Variants in TDRD3 observed in about 807,000 individuals in gnomAD.
The protein encoded by TDRD3 is tudor domain containing 3.
A neutral mutation model predicts 86.7 loss-of-function variants in TDRD3; 45 were observed. The observed-to-expected ratio is 0.52, with a 90% confidence interval of 0.41 to 0.67. The LOEUF is 0.67. Ranked by LOEUF, TDRD3 falls within the 30% of genes least tolerant of loss-of-function variation. The probability of loss-of-function intolerance (pLI) is 0.00; values close to 1 mark genes in which losing one functional copy is unlikely to be tolerated. For missense variants in TDRD3, 814 were observed against 889.0 expected (o/e 0.92, Z 1.07); for synonymous variants, 298 against 301.7 (o/e 0.99, Z 0.13).
chr13:60,543,909 A>T (rs1205855273), intron 12 of TDRD3, among the ~76,000 whole-genome samples: 5 of 151,052 alleles, frequency 3.3e-5, no homozygotes, highest in African/African-American at 1.2e-4. Context: ...TTATGTATTA[A>T]CTTTCAGAAA....
At chr13:60,475,968 A>G (rs1317006740) in intron 5 of TDRD3, among the ~76,000 whole-genome samples, 1 of 152,140 alleles carries the variant, frequency 6.6e-6, no homozygotes, top group African/African-American at 2.4e-5. Context: ...GTTGACAAAT[A>G]TGTTTTCCCA....
intron 12 of TDRD3, among the ~76,000 whole-genome samples, chr13:60,559,817 C>T (rs980697805): frequency 6.6e-6 from 1 of 152,036 alleles, no homozygotes; most frequent in African/African-American, 2.4e-5. Context: ...ATTTAATGTA[C>T]AAAACAGTCA....
chr13:60,528,797 A>T lies in TDRD3; in HGVS notation c.1572A>T (p.Gly524=), dbSNP rs1957513157. ...AEAKENPLPQ[G]SVDYNNQKRG... ...CAAAAGAAAATCCACTTCCTCAAGG[A>T]TCTGTAGATTATAATAATCAAAAAC... The change falls in exon 11 of 14, where the codon GGA becomes GGT. Residue 524 remains glycine, a synonymous_variant. Coordinates refer to ENST00000377881, the MANE Select transcript of TDRD3 (RefSeq NM_001146070.2). 1 of 1,613,838 alleles carries T rather than the reference A, an allele frequency of 6.2e-7. No homozygotes were observed. Among genetic ancestry groups the T allele is most frequent in the African/African-American group, 1.3e-5 (1 of 74,942 alleles).
At position 60,560,546 on chromosome 13, in the gene TDRD3, G is replaced by T. The variant is rs139779281; in HGVS notation, c.2119-6979G>T. Among the ~76,000 whole-genome samples the T allele has an allele frequency of 2.1e-3, 319 of 152,048 alleles. 3 individuals are homozygous for T. Among genetic ancestry groups the T allele is most frequent in the African/African-American group, 7.1e-3 (295 of 41,550 alleles). On this transcript the variant is annotated intron_variant, in intron 12 of 13. Coordinates refer to ENST00000377881, the MANE Select transcript of TDRD3 (RefSeq NM_001146070.2). ...AATAGCTTATTTACATTATATTAAT[G>T]TGTAGATCTTAGTGATGTTAGAGGA...
chr13:60,544,402 C>T (rs1418591476), intron 12 of TDRD3, among the ~76,000 whole-genome samples: 2 of 145,782 alleles, frequency 1.4e-5, no homozygotes, highest in Non-Finnish European at 3.0e-5. Context: ...TATGACTGTA[C>T]TACACTCCAG....
intron 12 of TDRD3, among the ~76,000 whole-genome samples, chr13:60,543,179 A>G (rs1839680299): frequency 6.6e-6 from 1 of 152,234 alleles, no homozygotes; most frequent in African/African-American, 2.4e-5. Context: ...AAACTCATAT[A>G]GTTTAATAAG....
intron 1 of TDRD3, among the ~76,000 whole-genome samples, chr13:60,434,845 T>TG (rs1955051521): frequency 6.6e-6 from 1 of 152,078 alleles, no homozygotes; most frequent in Non-Finnish European, 1.5e-5. Context: ...GTCCACCAGG[T>TG]GGGTGTGCAC....
intron 10 of TDRD3, among the ~76,000 whole-genome samples, chr13:60,514,451 G>A (rs1957125839): frequency 6.6e-6 from 1 of 152,138 alleles, no homozygotes; most frequent in Non-Finnish European, 1.5e-5. Flanking sequence ...ACTTTGTTGG[G>A]GGCCTATCAC....
At chr13:60,451,595 A>T (rs946988392) in intron 3 of TDRD3, among the ~76,000 whole-genome samples, 4 of 152,184 alleles carry the variant, frequency 2.6e-5, no homozygotes, top group Non-Finnish European at 5.9e-5. Context: ...ACACCTCTGC[A>T]CACATATAAC....
chr13:60,405,480 G>T (rs974700189), intron 1 of TDRD3, among the ~76,000 whole-genome samples: 14 of 152,162 alleles, frequency 9.2e-5, no homozygotes, highest in African/African-American at 2.9e-4. Context: ...AATTACTAAA[G>T]GGGAGTTCGT....
intron 7 of TDRD3, among the ~76,000 whole-genome samples, chr13:60,492,111 AG>A (rs1399406647): frequency 2.0e-5 from 3 of 152,216 alleles, no homozygotes; most frequent in Admixed American, 2.0e-4. Flanking sequence ...ACTATTTTAG[AG>A]CAGTAAAAAG....
chr13:60,510,802 C>CTTT (rs370448567), intron 10 of TDRD3, 47 bp downstream of exon 10: 61 of 1,204,112 alleles, frequency 5.1e-5, no homozygotes, highest in South Asian at 1.3e-4. Context: ...TCTTTTCTTT[C>CTTT]TTTTTTTTTT....
chr13:60,542,748 C>T (rs915987658), intron 12 of TDRD3, among the ~76,000 whole-genome samples: 7 of 152,120 alleles, frequency 4.6e-5, no homozygotes, highest in Admixed American at 1.3e-4. Context: ...TTACTTTTAT[C>T]GTCTTATGAG....
chr13:60,501,882 A>G (rs1310566626), intron 8 of TDRD3, among the ~76,000 whole-genome samples: 1 of 152,206 alleles, frequency 6.6e-6, no homozygotes, highest in Non-Finnish European at 1.5e-5. Flanking sequence ...GTGATAGTAA[A>G]ATTTTTATGC....
At chr13:60,561,669 A>G (rs772870938) in intron 12 of TDRD3, among the ~76,000 whole-genome samples, 1 of 152,154 alleles carries the variant, frequency 6.6e-6, no homozygotes, top group Non-Finnish European at 1.5e-5. Context: ...GATTTACGAT[A>G]CCTGTATTCC....
At chr13:60,486,806 C>T (rs1956448503) in intron 7 of TDRD3, among the ~76,000 whole-genome samples, 1 of 152,180 alleles carries the variant, frequency 6.6e-6, no homozygotes, top group Non-Finnish European at 1.5e-5. Context: ...TGCTGCTCTT[C>T]TATGAGACAA....
Position 60,552,291 on chromosome 13 carries a change from G to A in TDRD3, c.2119-15234G>A, listed in dbSNP as rs188590245. Among the ~76,000 whole-genome samples, 714 of 152,316 alleles carry A rather than the reference G, an allele frequency of 4.7e-3. 4 individuals are homozygous for A. Among genetic ancestry groups the A allele is most frequent in the Middle Eastern group, 0.01 (3 of 294 alleles). On this transcript the variant is annotated intron_variant, in intron 12 of 13. Transcript: ENST00000377881. The stretch of plus-strand genomic sequence containing the variant: ...ATGGGAGAAATCAGCCAAAACAAAG[G>A]GGCCACAGGCCCCATGCAAGTCTGA...
intron 12 of TDRD3, among the ~76,000 whole-genome samples, chr13:60,558,236 C>A (rs534969315): frequency 6.6e-6 from 1 of 152,266 alleles, no homozygotes; most frequent in East Asian, 1.9e-4. Context: ...GCATTAAAAG[C>A]ATTCTGGCAT....
chr13:60,528,865 A>G lies in TDRD3; in HGVS notation c.1640A>G (p.Tyr547Cys), dbSNP rs751697761. The stretch of plus-strand genomic sequence containing the variant: ...CAAACATCTATTCCTGATTATTTTT[A>G]TGACAGGAAATCACAAACAATAAAT... ...ESQTSIPDYFYDRKSQTINNE... is the reference protein window; with the variant it reads ...ESQTSIPDYFCDRKSQTINNE... Residue 547 changes from tyrosine to cysteine, a missense_variant, in exon 11 of 14, where the codon TAT (tyrosine) becomes TGT (cysteine). Transcript: ENST00000377881. 13 of 1,612,526 alleles carry G rather than the reference A, an allele frequency of 8.1e-6. No homozygotes were observed. The Admixed American group carries it at 1.7e-4, about 21-fold the overall frequency.
Sources: allele counts gnomAD v4.1 joint callset (sites outside exome capture counted in the v4.1 genomes callset), GRCh38; gene constraint gnomAD v4.1.1; transcripts MANE v1.5; gene names NCBI Gene and HGNC (gene_info 2026-07-23, HGNC 2026-07-21).